Variants in NEDD4 observed in about 807,000 individuals in gnomAD.
NEDD4 encodes NEDD4 E3 ubiquitin protein ligase, also known as E3 ubiquitin-protein ligase NEDD4.
In NEDD4, 99 loss-of-function variants were observed where a neutral mutation model predicts 144.9. The observed-to-expected ratio is 0.68, with a 90% confidence interval of 0.58 to 0.81. The LOEUF (loss-of-function observed/expected upper bound fraction) is 0.81, where lower values mean the gene tolerates loss of function less well. NEDD4 is among the 30% of genes least tolerant of loss of function. NEDD4 has a pLI of 0.00. For missense variants in NEDD4, 985 were observed against 1,065.9 expected (o/e 0.92, Z 1.06); for synonymous variants, 318 against 350.6 (o/e 0.91, Z 1.04).
intron 5 of NEDD4, among the ~76,000 whole-genome samples, chr15:55,890,741 T>A (rs895403465): frequency 6.6e-5 from 10 of 152,226 alleles, no homozygotes; most frequent in African/African-American, 1.7e-4. Flanking sequence ...TTTCCAAAGT[T>A]GCTGCATCAT....
At chr15:55,880,871 G>A (rs1595789829) in intron 5 of NEDD4, among the ~76,000 whole-genome samples, 2 of 152,176 alleles carry the variant, frequency 1.3e-5, no homozygotes, top group South Asian at 2.1e-4. Context: ...CCAGCACACA[G>A]TAAGTATTCA....
rs531655372 is a variant in NEDD4, at chr15:55,845,934, C to T, written c.1608+1035G>A. Among the ~76,000 whole-genome samples the T allele has an allele frequency of 7.3e-5, 11 of 151,568 alleles. No individual in the cohort carries two copies. The East Asian group carries it at 7.8e-4, about 11-fold the overall frequency. On this transcript the variant is annotated intron_variant, in intron 18 of 28. Transcript: ENST00000435532. ...CGGAGTAGCCGGGATTAAAGGTGTGCGCCATCACACCTAACTAATTTTTGT... is the reference window on the plus strand; with the variant it reads ...CGGAGTAGCCGGGATTAAAGGTGTGTGCCATCACACCTAACTAATTTTTGT...
rs148400474 is a variant in NEDD4 at position 55,936,914 on chromosome 15, T to A, written c.238-12215A>T. ...TTCAAGTGATTCTCCTGCCTCACCC[T>A]CTTGAGTAGTTGGGATTACAGGCAT... On this transcript the variant is annotated intron_variant, in intron 4 of 28. Transcript: ENST00000435532. 7.0e-4 allele frequency among the ~76,000 whole-genome samples: 107 copies of A among 151,882 alleles called. No individual in the cohort carries two copies. The Middle Eastern group carries it at 0.014, about 19-fold the overall frequency.
Position 55,959,670 on chromosome 15 carries a change from G to T in NEDD4, c.119+6803C>A, listed in dbSNP as rs528435034. Among the ~76,000 whole-genome samples the T allele has an allele frequency of 5.3e-5, 8 of 152,310 alleles. No homozygotes were observed. The South Asian group carries it at 1.7e-3, about 32-fold the overall frequency. On this transcript the variant is annotated intron_variant, in intron 2 of 28. Coordinates refer to ENST00000435532, the MANE Select transcript of NEDD4 (RefSeq NM_006154.4). ...AAGATTGTAATCCATCTTGCTAGGA[G>T]ACTCTTGCTAGCTTTGAAGAAGCAA...
chr15:55,898,631 C>CTTTT (rs34372143), intron 5 of NEDD4, among the ~76,000 whole-genome samples: 16 of 108,284 alleles, frequency 1.5e-4, no homozygotes, highest in Admixed American at 3.1e-4. Context: ...ACAAAAAGAA[C>CTTTT]TTTTTTTTTT....
At chr15:55,847,900 G>A (rs903139192) in intron 17 of NEDD4, among the ~76,000 whole-genome samples, 2 of 152,030 alleles carry the variant, frequency 1.3e-5, no homozygotes, top group Admixed American at 6.5e-5. Flanking sequence ...GGCCGGTCTC[G>A]AACTCCTGAC....
chr15:55,912,495 TAAGTA>T (rs1183721263), intron 5 of NEDD4, among the ~76,000 whole-genome samples: 1 of 152,054 alleles, frequency 6.6e-6, no homozygotes, highest in East Asian at 1.9e-4. Flanking sequence ...AATATGAATA[TAAGTA>T]AAGAATGGAA....
chr15:55,929,471 T>A (rs1040227950), intron 4 of NEDD4, among the ~76,000 whole-genome samples: 1 of 151,718 alleles, frequency 6.6e-6, no homozygotes, highest in Non-Finnish European at 1.5e-5. Context: ...AGCTTTTCTA[T>A]CCTCACCCTC....
rs559735709 is a variant in NEDD4, at chr15:55,838,386, A to G, written c.2127+123T>C. On this transcript the variant is annotated intron_variant, in intron 22 of 28. Coordinates refer to ENST00000435532, the MANE Select transcript of NEDD4 (RefSeq NM_006154.4). The stretch of plus-strand genomic sequence containing the variant: ...AAAGTACAAATTCTTGCTCAGAGAC[A>G]GCTTTTGTTACTGGGAAATGAATGT... 6.5e-6 allele frequency: 5 copies of G among 766,964 alleles called. No homozygotes were observed. In the South Asian group the frequency reaches 8.3e-5, roughly 13 times the overall value. The allele number at this position is 766,964 out of a possible 1,614,324, so 47.5% of individuals were successfully genotyped here. A position where few individuals can be genotyped will look rare whatever the true frequency, so the allele number is the denominator to read the frequency against.
At chr15:55,981,669 CAGT>C (rs1161994679) in intron 1 of NEDD4, among the ~76,000 whole-genome samples, 1 of 152,110 alleles carries the variant, frequency 6.6e-6, no homozygotes, top group African/African-American at 2.4e-5. Flanking sequence ...TAGGAGCAAG[CAGT>C]AGTTCTCAAA....
chr15:55,839,497 GA>G (rs1248590691), intron 21 of NEDD4, among the ~76,000 whole-genome samples: 1 of 152,144 alleles, frequency 6.6e-6, no homozygotes, highest in African/African-American at 2.4e-5. Context: ...TATGTAATAA[GA>G]AAAGAATAAA....
intron 5 of NEDD4, among the ~76,000 whole-genome samples, chr15:55,884,800 A>C (rs2035328092): frequency 6.6e-6 from 1 of 152,194 alleles, no homozygotes; most frequent in Admixed American, 6.5e-5. Context: ...CACACCTACA[A>C]GATCTAGAAA....
chr15:55,968,581 A>T (rs2142333514), intron 1 of NEDD4, among the ~76,000 whole-genome samples: 1 of 152,324 alleles, frequency 6.6e-6, no homozygotes, highest in African/African-American at 2.4e-5. Flanking sequence ...AATATGTAAG[A>T]TATAATTAAC....
intron 18 of NEDD4, among the ~76,000 whole-genome samples, chr15:55,845,149 CCTT>C (rs1186711093): frequency 1.3e-5 from 2 of 152,138 alleles, no homozygotes; most frequent in Non-Finnish European, 2.9e-5. Context: ...TTGGTCCCCT[CCTT>C]CTGGGGTGAC....
rs2035958556 is a variant in NEDD4 at position 55,902,959 on chromosome 15, C to A, written c.291+21687G>T. Reference sequence around the variant, plus strand: ...GAGGTTGCAGTGAACCGAGATCGTGCTATTGCATTCCAGCCTGGGTGACAG... The same window carrying A: ...GAGGTTGCAGTGAACCGAGATCGTGATATTGCATTCCAGCCTGGGTGACAG... On this transcript the variant is annotated intron_variant, in intron 5 of 28. Coordinates refer to ENST00000435532, the MANE Select transcript of NEDD4 (RefSeq NM_006154.4). Among the ~76,000 whole-genome samples the A allele has an allele frequency of 2.6e-5, 4 of 152,058 alleles. No homozygotes were observed. The East Asian group carries it at 7.7e-4, about 29-fold the overall frequency.
At chr15:55,985,124 C>T (rs1300144640) in intron 1 of NEDD4, among the ~76,000 whole-genome samples, 1 of 152,202 alleles carries the variant, frequency 6.6e-6, no homozygotes, top group Non-Finnish European at 1.5e-5. Context: ...ATTTTCTATA[C>T]CCCTGCTCAC....
At chr15:55,924,289 G>A in intron 5 of NEDD4, 1 of 203,290 alleles carries the variant, frequency 4.9e-6, no homozygotes, top group Non-Finnish European at 1.0e-5. Flanking sequence ...AGGCGCAACT[G>A]AAGGATACCC....
chr15:55,967,235 A>G (rs770967684), intron 1 of NEDD4, among the ~76,000 whole-genome samples: 6 of 152,178 alleles, frequency 3.9e-5, no homozygotes, highest in Admixed American at 1.3e-4. Context: ...TTTAAATCCC[A>G]TTCAACAGAC....
At chr15:55,984,786 G>A (rs1017870180) in intron 1 of NEDD4, among the ~76,000 whole-genome samples, 3 of 152,138 alleles carry the variant, frequency 2.0e-5, no homozygotes, top group Admixed American at 2.0e-4. Context: ...CTTAAACTTT[G>A]ATACTATTGG....
Sources: allele counts gnomAD v4.1 joint callset (sites outside exome capture counted in the v4.1 genomes callset), GRCh38; gene constraint gnomAD v4.1.1; transcripts MANE v1.5; gene names NCBI Gene and HGNC (gene_info 2026-07-23, HGNC 2026-07-21).